The following HBP1 variants were observed in gnomAD, a reference collection of about 807,000 sequenced individuals.
HBP1 encodes HMG-box transcription factor 1, also known as HMG box-containing protein 1.
HBP1 carries 20 observed loss-of-function variants against 62.6 expected under a neutral mutation model. The ratio of observed to expected loss-of-function variants is 0.32; its 90% CI spans 0.22 to 0.46. The LOEUF is 0.46. Among genes scored for constraint, HBP1 ranks in the 20% least tolerant of loss-of-function variants. The pLI is 1.00. For synonymous variants in HBP1, 232 were observed against 206.2 expected (o/e 1.12, Z -1.07); for missense variants, 480 against 611.8 (o/e 0.78, Z 2.27).
intron 1 of HBP1, among the ~76,000 whole-genome samples, chr7:107,171,513 T>A (rs936124875): frequency 2.0e-5 from 3 of 152,024 alleles, no homozygotes; most frequent in African/African-American, 7.3e-5. Context: ...GTTTTGTATA[T>A]GTGTTTGAAA....
At chr7:107,180,125 C>A (rs1190101159) in intron 2 of HBP1, 63 bp downstream of exon 2, 2 of 1,020,328 alleles carry the variant, frequency 2.0e-6, no homozygotes, top group East Asian at 2.4e-5. Context: ...TTCTACTTAG[C>A]CCGCTTCTCC....
chr7:107,201,359 G>C (rs1423354653), intron 10 of HBP1, 55 bp from the exon 11 acceptor site: 1 of 1,073,810 alleles, frequency 9.3e-7, no homozygotes. Context: ...TTCATATATA[G>C]GATTACTATG....
intron 9 of HBP1, among the ~76,000 whole-genome samples, chr7:107,198,598 C>CCTAT (rs561710510): frequency 1.1e-3 from 172 of 152,232 alleles, no homozygotes; most frequent in African/African-American, 3.0e-3. Flanking sequence ...TCAGATATCA[C>CCTAT]CTATCTCTAA....
chr7:107,170,149 G>C, intron 1 of HBP1: 12 of 984,852 alleles, frequency 1.2e-5, no homozygotes, highest in Non-Finnish European at 1.4e-5. Context: ...CAAGTTTTCT[G>C]TTTGTTTTGT....
chr7:107,183,682 C>G (rs1045773377), intron 3 of HBP1, among the ~76,000 whole-genome samples: 2 of 147,884 alleles, frequency 1.4e-5, no homozygotes, highest in Non-Finnish European at 3.0e-5. Flanking sequence ...TTTTTTTTCA[C>G]TTTTTACAGC....
chr7:107,174,700 G>C lies in HBP1; in HGVS notation c.-15-5179G>C. 2 of 984,918 alleles carry C rather than the reference G, an allele frequency of 2.0e-6. 1 individual carries two copies. The highest frequency in any genetic ancestry group is 2.4e-6 in the Non-Finnish European group (2 of 829,472). The allele number at this position is 984,918 out of a possible 1,614,324, so 61.0% of individuals were successfully genotyped here. On this transcript the variant is annotated intron_variant, in intron 1 of 10. Transcript: ENST00000222574. ...CTGTTCATACACAGAGGATAGCTCT[G>C]AAGAGAGATACCTGTGTAGTGCAGC...
In HBP1 at chr7:107,169,191, TTG is replaced by T; in HGVS notation, c.-16+8_-16+9del. 2 of 1,066,306 alleles carry T rather than the reference TTG, an allele frequency of 1.9e-6. No individual in the cohort carries two copies. The highest frequency in any genetic ancestry group is 4.4e-4 in the Middle Eastern group (1 of 2,290). 66.1% of individuals were successfully genotyped at this position (1,066,306 alleles called of 1,614,324 possible). On this transcript the variant is annotated splice_region_variant and intron_variant, in intron 1 of 10. Coordinates refer to ENST00000222574, the MANE Select transcript of HBP1 (RefSeq NM_012257.4). ...CTGCCGGCACTTCGCGGCAGGTTTG[TTG>T]TCTTTCAGTTAGGGAAGAGGTGGGG... is the stretch of plus-strand genomic sequence containing the variant.
At chr7:107,185,779 T>C in intron 3 of HBP1, 22 bp from the exon 4 acceptor site, 1 of 1,605,216 alleles carries the variant, frequency 6.2e-7, no homozygotes, top group Non-Finnish European at 8.5e-7. Flanking sequence ...TGCTTATGGT[T>C]GAAACTGTTG....
chr7:107,181,205 T>C (rs1562889068), intron 2 of HBP1, among the ~76,000 whole-genome samples: 1 of 152,158 alleles, frequency 6.6e-6, no homozygotes, highest in Non-Finnish European at 1.5e-5. Flanking sequence ...CAGTTTGGCT[T>C]GGCATGATGG....
intron 9 of HBP1, among the ~76,000 whole-genome samples, chr7:107,199,737 T>C (rs1164995971): frequency 6.6e-6 from 1 of 152,250 alleles, no homozygotes; most frequent in East Asian, 1.9e-4. Context: ...TGTAGTCTTA[T>C]CAGTTTAACT....
intron 1 of HBP1, among the ~76,000 whole-genome samples, chr7:107,171,860 C>CAAAAAA (rs367641713): frequency 1.6e-5 from 1 of 63,926 alleles, no homozygotes; most frequent in Non-Finnish European, 2.9e-5. Flanking sequence ...ACTTCCTCTC[C>CAAAAAA]AAAAAAAAAA....
At chr7:107,171,046 A>AATATATATATATATATATATATATAT (rs374693805) in intron 1 of HBP1, among the ~76,000 whole-genome samples, 1 of 60,506 alleles carries the variant, frequency 1.7e-5, no homozygotes, top group African/African-American at 7.7e-5. Context: ...TACATGTATA[A>AATATATATATATATATATATATATAT]ATATATATAT....
chr7:107,173,387 G>GAAT (rs1796695431), intron 1 of HBP1: 1 of 152,112 alleles, frequency 6.6e-6, no homozygotes, highest in Admixed American at 6.6e-5. Flanking sequence ...AGGATTCAGG[G>GAAT]AATAATAGGC....
intron 8 of HBP1, chr7:107,192,775 T>C (rs1441570259): frequency 5.9e-5 from 9 of 152,140 alleles, no homozygotes; most frequent in Admixed American, 6.5e-5. Flanking sequence ...TACTGTTGAG[T>C]GACTTCAATA....
At chr7:107,186,332 A>T (rs755423640) in intron 4 of HBP1, 29 bp from the exon 5 acceptor site, 17 of 1,316,672 alleles carry the variant, frequency 1.3e-5, no homozygotes, top group Admixed American at 1.9e-5. Flanking sequence ...AAAAACAAAT[A>T]AAAAAGTTGA....
intron 9 of HBP1, among the ~76,000 whole-genome samples, chr7:107,198,791 T>C (rs909425661): frequency 6.6e-6 from 1 of 152,228 alleles, no homozygotes; most frequent in Admixed American, 6.5e-5. Flanking sequence ...TAACATTCAC[T>C]GCAGAAATAA....
Position 107,169,682 on chromosome 7 carries a change from C to T in HBP1, c.-16+497C>T, listed in dbSNP as rs551060689. The T allele has an allele frequency of 3.0e-5, 28 of 937,746 alleles. No individual in the cohort carries two copies. In the South Asian group the frequency reaches 1.2e-3, roughly 39 times the overall value. 58.1% of individuals were successfully genotyped at this position (937,746 alleles called of 1,614,324 possible). On this transcript the variant is annotated intron_variant, in intron 1 of 10. Coordinates refer to ENST00000222574, the MANE Select transcript of HBP1 (RefSeq NM_012257.4). ...GGGGGATTCTGGCTGAGCTGAGGAG[C>T]TCGCGGAGCCGCTGGGCCCCGGGGC...
At chr7:107,190,553 GGATTAGATTAGGA>G in intron 8 of HBP1, among the ~76,000 whole-genome samples, 1 of 152,244 alleles carries the variant, frequency 6.6e-6, no homozygotes, top group Non-Finnish European at 1.5e-5. Context: ...AAAACATTTA[GGATTAGATTAGGA>G]AGAATATCAC....
intron 8 of HBP1, among the ~76,000 whole-genome samples, chr7:107,192,142 C>G (rs542637392): frequency 6.6e-6 from 1 of 151,882 alleles, no homozygotes; most frequent in South Asian, 2.1e-4. Context: ...AGAGCAGTCA[C>G]GTAGGTTTCT....
Sources: gnomAD v4.1 joint callset for allele counts (sites outside exome capture counted in the v4.1 genomes callset) on GRCh38, gnomAD v4.1.1 for gene constraint, MANE v1.5 for transcripts, NCBI Gene and HGNC (gene_info 2026-07-23, HGNC 2026-07-21) for gene names.